CAMSAP2: variants seen among roughly 807,000 people sequenced by gnomAD.
The protein encoded by CAMSAP2 is calmodulin-regulated spectrin-associated protein 2.
A neutral mutation model predicts 146.1 loss-of-function variants in CAMSAP2; 26 were observed. That is an observed-to-expected ratio of 0.18 (90% confidence interval 0.13 to 0.25). CAMSAP2 has a LOEUF of 0.25. CAMSAP2 is among the 10% of genes least tolerant of loss of function. The pLI is 1.00. For missense variants in CAMSAP2, 1,381 were observed against 1,759.3 expected, an observed-to-expected ratio of 0.78 and a Z score of 3.85; for synonymous variants, 499 against 596.6, an observed-to-expected ratio of 0.84 and a Z score of 2.38.
intron 2 of CAMSAP2, among the ~76,000 whole-genome samples, chr1:200,802,043 G>C (rs1216101255): frequency 6.6e-6 from 1 of 151,926 alleles, no homozygotes; most frequent in Non-Finnish European, 1.5e-5. Flanking sequence ...CAACTGTCTT[G>C]GTTTAAAACT....
rs1666461210 is a variant in CAMSAP2, at chr1:200,815,636, G to A, written c.637G>A (p.Gly213Ser). 3.9e-6 allele frequency: 6 copies of A among 1,551,252 alleles called. No homozygotes were observed. The highest frequency in any genetic ancestry group is 2.8e-5 in the African/African-American group (2 of 72,302). ...ACATCACACAGTTGAAGCTCCAGGA[G>A]GTCAAAAGGTATTTATTTCAAAAAC... ...KEHHTVEAPG[G>S]QKARYRKEQT... is the part of the protein sequence containing the mutation. Residue 213 changes from glycine (G) to serine (S), a missense_variant, in exon 4 of 17, where the codon GGT (glycine) becomes AGT (serine). Physicochemically the swap from Gly to Ser is moderately conservative, Grantham distance 56. Around this residue, in one of 4 missense-constraint regions of CAMSAP2, gnomAD observed 284 missense variants for 406.9 expected, o/e 0.70. Coordinates refer to ENST00000358823, the MANE Select transcript of CAMSAP2 (RefSeq NM_203459.4).
At chr1:200,836,081 C>G in intron 6 of CAMSAP2, among the ~76,000 whole-genome samples, 1 of 134,936 alleles carries the variant, frequency 7.4e-6, no homozygotes, top group Non-Finnish European at 1.6e-5. Context: ...TCATTTGAAT[C>G]TTTTTTTTTT....
chr1:200,821,098 G>C (rs778859774), intron 4 of CAMSAP2, among the ~76,000 whole-genome samples: 6 of 151,386 alleles, frequency 4.0e-5, no homozygotes, highest in Non-Finnish European at 7.4e-5. Flanking sequence ...GTCTAAATTA[G>C]ATAATTTTTG....
In CAMSAP2 at chr1:200,738,991, G is replaced by A. The variant is rs950218161; in HGVS notation, c.-837G>A. On this transcript the variant is annotated 5_prime_UTR_variant, in exon 1 of 17. Transcript: ENST00000358823. ...AACGATCCAGCGAGCTGCAGAAAGG[G>A]GGGCAGGAAAAAATTACAAGGACAT... Among the ~76,000 whole-genome samples, 1 of 151,940 alleles carries A rather than the reference G, an allele frequency of 6.6e-6. No individual in the cohort carries two copies. The highest frequency in any genetic ancestry group is 1.5e-5 in the Non-Finnish European group (1 of 67,950).
intron 2 of CAMSAP2, among the ~76,000 whole-genome samples, chr1:200,772,277 G>T (rs1665137792): frequency 6.6e-6 from 1 of 151,948 alleles, no homozygotes; most frequent in Non-Finnish European, 1.5e-5. Context: ...TTGACTTTAT[G>T]CATGACCCAT....
chr1:200,746,748 A>G (rs951735358), intron 1 of CAMSAP2, among the ~76,000 whole-genome samples: 8 of 151,662 alleles, frequency 5.3e-5, no homozygotes, highest in Admixed American at 2.6e-4. Context: ...CCTCCCGAGT[A>G]GCTGGGACTA....
chr1:200,741,577 A>T (rs749761141), intron 1 of CAMSAP2, among the ~76,000 whole-genome samples: 89 of 152,374 alleles, frequency 5.8e-4, no homozygotes, highest in Non-Finnish European at 9.1e-4. Context: ...AGGCAAAGGG[A>T]ATAAGAGAAA....
intron 11 of CAMSAP2, among the ~76,000 whole-genome samples, chr1:200,851,476 T>C (rs1293371445): frequency 6.6e-6 from 1 of 152,224 alleles, no homozygotes; most frequent in Non-Finnish European, 1.5e-5. Context: ...ATTACAGGCA[T>C]GAGCCCCCGT....
chr1:200,816,253 A>G, intron 4 of CAMSAP2, among the ~76,000 whole-genome samples: 1 of 151,524 alleles, frequency 6.6e-6, no homozygotes, highest in Non-Finnish European at 1.5e-5. Flanking sequence ...ATGCCACTGC[A>G]CTCCAGCCTG....
At chr1:200,807,316 T>C (rs1188343823) in intron 2 of CAMSAP2, 60 bp from the exon 3 acceptor site, 6 of 1,310,408 alleles carry the variant, frequency 4.6e-6, no homozygotes, top group East Asian at 2.7e-5. Flanking sequence ...TTTCAAAATA[T>C]GTAAAAAGCA....
intron 2 of CAMSAP2, among the ~76,000 whole-genome samples, chr1:200,766,486 T>C (rs1224029786): frequency 6.6e-6 from 1 of 152,160 alleles, no homozygotes; most frequent in Non-Finnish European, 1.5e-5. Context: ...ACTTTAACAC[T>C]CTATCTTACG....
chr1:200,793,564 T>G (rs2103033881), intron 2 of CAMSAP2, among the ~76,000 whole-genome samples: 1 of 152,174 alleles, frequency 6.6e-6, no homozygotes, highest in East Asian at 1.9e-4. Context: ...GAAAGCTGCC[T>G]TGTTTGGATA....
At chr1:200,770,799 G>A (rs947207557) in intron 2 of CAMSAP2, among the ~76,000 whole-genome samples, 2 of 152,188 alleles carry the variant, frequency 1.3e-5, no homozygotes, top group African/African-American at 4.8e-5. Flanking sequence ...AAGGCAAATA[G>A]GGCAGTTATT....
At chr1:200,743,418 A>C (rs992072147) in intron 1 of CAMSAP2, among the ~76,000 whole-genome samples, 20 of 152,238 alleles carry the variant, frequency 1.3e-4, no homozygotes, top group Admixed American at 8.5e-4. Flanking sequence ...AGTCCTGTAT[A>C]AGGTCTGACT....
intron 2 of CAMSAP2, among the ~76,000 whole-genome samples, chr1:200,794,838 G>A (rs1175797605): frequency 6.6e-6 from 1 of 152,250 alleles, no homozygotes; most frequent in African/African-American, 2.4e-5. Flanking sequence ...CTCCAGCCAT[G>A]TTGATGAGTC....
intron 2 of CAMSAP2, among the ~76,000 whole-genome samples, chr1:200,772,401 G>T (rs1049301612): frequency 3.3e-5 from 5 of 152,162 alleles, no homozygotes; most frequent in African/African-American, 4.8e-5. Context: ...TTGAGGCCAA[G>T]AGTTTGAGAC....
rs1667710121 is a variant in CAMSAP2, at chr1:200,854,896, C to A, written c.3896+7C>A. On this transcript the variant is annotated splice_region_variant and intron_variant, in intron 14 of 16. Transcript: ENST00000358823. ...CAGGCAAGAGGACGCCAAGGTAAAT[C>A]TATAACGTATGAATATTTTTACAGA... The A allele has an allele frequency of 6.3e-7, 1 of 1,594,356 alleles. No individual in the cohort carries two copies. The highest frequency in any genetic ancestry group is 8.6e-7 in the Non-Finnish European group (1 of 1,166,334).
At chr1:200,755,104 C>T (rs1664612952) in intron 1 of CAMSAP2, among the ~76,000 whole-genome samples, 1 of 152,158 alleles carries the variant, frequency 6.6e-6, no homozygotes, top group Non-Finnish European at 1.5e-5. Context: ...CAAAGATGTT[C>T]TAAGCATATC....
rs1571701473 is a variant in CAMSAP2, at chr1:200,739,730, G to A, written c.-98G>A. ...GGCGGACATCGCCCGGGCCCCGATG[G>A]TTTGAGCTTGCTTCTCCCTCCCTCC... is the stretch of plus-strand genomic sequence containing the variant. On this transcript the variant is annotated 5_prime_UTR_variant, in exon 1 of 17. Coordinates refer to ENST00000358823, the MANE Select transcript of CAMSAP2 (RefSeq NM_203459.4). This position sits in a 1 kb window ranked among gnomAD's most constrained non-coding sequence, Gnocchi z 4.8. The A allele has an allele frequency of 7.6e-7, 1 of 1,323,076 alleles. No homozygotes were observed. The allele number at this position is 1,323,076 out of a possible 1,614,324, so 82.0% of individuals were successfully genotyped here.
Sources: gnomAD v4.1 joint callset for allele counts (sites outside exome capture counted in the v4.1 genomes callset) on GRCh38, gnomAD v4.1.1 for gene constraint, gnomAD v4.1.1 regional missense constraint, Gnocchi (gnomAD v3.1) non-coding constraint, MANE v1.5 for transcripts, NCBI Gene and HGNC (gene_info 2026-07-23, HGNC 2026-07-21) for gene names.